The following GIPC3 variants were observed in gnomAD, a reference collection of about 807,000 sequenced individuals.
The protein encoded by GIPC3 is PDZ domain-containing protein GIPC3.
A neutral mutation model predicts 27.3 loss-of-function variants in GIPC3; 16 were observed. The observed-to-expected ratio is 0.59, with a 90% confidence interval of 0.40 to 0.89. The LOEUF is 0.89. GIPC3 is among the 40% of genes least tolerant of loss of function. The probability of loss-of-function intolerance (pLI) is 0.00; values close to 1 mark genes in which losing one functional copy is unlikely to be tolerated. For synonymous variants in GIPC3, 194 were observed against 184.6 expected, an observed-to-expected ratio of 1.05 and a Z score of -0.41; for missense variants, 440 against 442.1, an observed-to-expected ratio of 1.00 and a Z score of 0.04.
chr19:3,593,325 G>T lies in GIPC3; in HGVS notation c.*3135G>T, dbSNP rs1008816581. The T allele has an allele frequency of 3.5e-5, 43 of 1,232,000 alleles. No homozygotes were observed. In the African/African-American group the frequency reaches 6.5e-4, roughly 19 times the overall value. The allele number at this position is 1,232,000 out of a possible 1,614,324, so 76.3% of individuals were successfully genotyped here. On this transcript the variant is annotated 3_prime_UTR_variant, in exon 6 of 6. Transcript: ENST00000644452. ...CTTAGCCCTGGTTCATGTGGTTCTC[G>T]TCCTCTCCTGTCCCTTCCAGCCTGG...
intron 3 of GIPC3, 47 bp downstream of exon 3, chr19:3,587,041 G>C (rs781535409): frequency 5.1e-6 from 8 of 1,557,992 alleles, no homozygotes; most frequent in Non-Finnish European, 7.0e-6. Context: ...TGCGTTCTAC[G>C]GATGCCTGGG....
At chr19:3,589,383 G>A in intron 3 of GIPC3, 60 bp from the exon 4 acceptor site, 2 of 1,280,434 alleles carry the variant, frequency 1.6e-6, no homozygotes, top group South Asian at 1.2e-5. Flanking sequence ...GCCTCCCAGG[G>A]TTTACAAAGA....
chr19:3,593,240 C>A lies in GIPC3; in HGVS notation c.*3050C>A. On this transcript the variant is annotated 3_prime_UTR_variant, in exon 6 of 6. Transcript: ENST00000644452. ...CCCCAGCTTTGGCGCCAGCCCTTTGCCCCACTCTGGGGGAGCCAGGAGCCC... is the reference window on the plus strand; with the variant it reads ...CCCCAGCTTTGGCGCCAGCCCTTTGACCCACTCTGGGGGAGCCAGGAGCCC... 2 of 1,232,838 alleles carry A rather than the reference C, an allele frequency of 1.6e-6. No individual in the cohort carries two copies. Among genetic ancestry groups the A allele is most frequent in the Non-Finnish European group, 2.0e-6 (2 of 988,508 alleles). 76.4% of individuals were successfully genotyped at this position (1,232,838 alleles called of 1,614,324 possible).
At chr19:3,586,310 G>A (rs964869896) in intron 1 of GIPC3, among the ~76,000 whole-genome samples, 185 bp from the exon 2 acceptor site, 6 of 152,162 alleles carry the variant, frequency 3.9e-5, no homozygotes, top group Non-Finnish European at 8.8e-5. Flanking sequence ...CCCGGGGTAT[G>A]GAGAGGGGTC....
At chr19:3,589,582 A>G in intron 4 of GIPC3, 27 bp downstream of exon 4, 1 of 1,543,898 alleles carries the variant, frequency 6.5e-7, no homozygotes, top group Non-Finnish European at 9.0e-7. Flanking sequence ...GGCTCTCCCC[A>G]GGCTTCTGCA....
rs2032517788 is a variant in GIPC3 at position 3,593,068 on chromosome 19, C to T, written c.*2878C>T. 2 of 1,232,526 alleles carry T rather than the reference C, an allele frequency of 1.6e-6. No individual in the cohort carries two copies. Among genetic ancestry groups the T allele is most frequent in the South Asian group, 4.1e-5 (1 of 24,324 alleles). 76.3% of individuals were successfully genotyped at this position (1,232,526 alleles called of 1,614,324 possible). A position where few individuals can be genotyped will look rare whatever the true frequency, so the allele number is the denominator to read the frequency against. On this transcript the variant is annotated 3_prime_UTR_variant, in exon 6 of 6. Coordinates refer to ENST00000644452, the MANE Select transcript of GIPC3 (RefSeq NM_133261.3). Reference sequence around the variant, plus strand: ...TTACCCCAAGCCTCCTACCTGGCCCCACAGTCACAGGTCTCCTCAACCCCC... The same window carrying T: ...TTACCCCAAGCCTCCTACCTGGCCCTACAGTCACAGGTCTCCTCAACCCCC...
In GIPC3 at chr19:3,590,657, C is replaced by T. The variant is rs901700742; in HGVS notation, c.*467C>T. On this transcript the variant is annotated 3_prime_UTR_variant, in exon 6 of 6. Transcript: ENST00000644452. ...CTAGAACTCAGATGGGCTCTGAGAC[C>T]GAGCCCAGCTCTAGAACTCAGATGG... 2.5e-6 allele frequency: 3 copies of T among 1,195,718 alleles called. No individual in the cohort carries two copies. The highest frequency in any genetic ancestry group is 3.2e-6 in the Non-Finnish European group (3 of 951,482). 74.1% of individuals were successfully genotyped at this position (1,195,718 alleles called of 1,614,324 possible). A position where few individuals can be genotyped will look rare whatever the true frequency, so the allele number is the denominator to read the frequency against.
chr19:3,592,732 C>T lies in GIPC3; in HGVS notation c.*2542C>T, dbSNP rs10410258. On this transcript the variant is annotated 3_prime_UTR_variant, in exon 6 of 6. Transcript: ENST00000644452. ...ACCGGGCTCAGCTCTGAAACCCAGA[C>T]CGGCTCAAGAATTCAGCCCAGCCCT... The T allele has an allele frequency of 0.44, 543,032 of 1,231,140 alleles. 123,494 individuals carry two copies. Among genetic ancestry groups the T allele is most frequent in the Non-Finnish European group, 0.46 (458,280 of 987,594 alleles). The allele number at this position is 1,231,140 out of a possible 1,614,324, so 76.3% of individuals were successfully genotyped here. A position where few individuals can be genotyped will look rare whatever the true frequency, so the allele number is the denominator to read the frequency against.
rs565413911 is a variant in GIPC3, at chr19:3,585,838, A to G, written c.225+16A>G. The G allele has an allele frequency of 6.5e-7, 1 of 1,538,838 alleles. No individual in the cohort carries two copies. The highest frequency in any genetic ancestry group is 1.2e-5 in the South Asian group (1 of 83,842). On this transcript the variant is annotated intron_variant, in intron 1 of 5. Coordinates refer to ENST00000644452, the MANE Select transcript of GIPC3 (RefSeq NM_133261.3). Reference sequence around the variant, plus strand: ...GCCCACCGAGGTAAGGAGCCCGGACACCGGCGCCCAAGACCACCCGCCTGA... The same window carrying G: ...GCCCACCGAGGTAAGGAGCCCGGACGCCGGCGCCCAAGACCACCCGCCTGA...
At position 3,586,949 on chromosome 19, in the gene GIPC3, T is replaced by A. The variant is rs1449320776; in HGVS notation, c.547T>A (p.Ser183Thr). 2 of 1,613,112 alleles carry A rather than the reference T, an allele frequency of 1.2e-6. No individual in the cohort carries two copies. The highest frequency in any genetic ancestry group is 1.7e-6 in the Non-Finnish European group (2 of 1,179,960). ...VAKMLRELPK[S>T]QPFTLRLVQP... ...CAAGATGCTCCGGGAGCTGCCCAAG[T>A]CCCAGCCCTTCACCCTGCGCCTGGT... The change falls in exon 3 of 6, where the codon TCC (serine) becomes ACC (threonine). Residue 183 changes from serine (S) to threonine (T), a missense_variant. Coordinates refer to ENST00000644452, the MANE Select transcript of GIPC3 (RefSeq NM_133261.3).
At chr19:3,589,032 C>T (rs1568278263) in intron 3 of GIPC3, among the ~76,000 whole-genome samples, 1 of 152,076 alleles carries the variant, frequency 6.6e-6, no homozygotes, top group Non-Finnish European at 1.5e-5. Context: ...TGCTCTTAAG[C>T]CCAGGCCAGC....
rs116849418 is a variant in GIPC3 at position 3,587,220 on chromosome 19, T to C, written c.592+226T>C. ...GGGGAGAGACTGGGTAAAGTGGAGT[T>C]GGAGGAGGACGCGTCCAGAACCACT... On this transcript the variant is annotated intron_variant, in intron 3 of 5. Coordinates refer to ENST00000644452, the MANE Select transcript of GIPC3 (RefSeq NM_133261.3). Among the ~76,000 whole-genome samples the C allele has an allele frequency of 8.8e-4, 134 of 152,156 alleles. 1 individual carries two copies. Among genetic ancestry groups the C allele is most frequent in the Non-Finnish European group, 1.4e-3 (96 of 67,986 alleles).
chr19:3,587,695 C>CTTTTTTCTTTTTTTT (rs548820972), intron 3 of GIPC3, among the ~76,000 whole-genome samples: 5 of 131,204 alleles, frequency 3.8e-5, no homozygotes, highest in Admixed American at 7.7e-5. Flanking sequence ...CTTTTCTTTT[C>CTTTTTTCTTTTTTTT]TTTTTTTTTT....
chr19:3,590,319 C>A lies in GIPC3; in HGVS notation c.*129C>A, dbSNP rs2032464091. The stretch of plus-strand genomic sequence containing the variant: ...AACCCAATCCAATTTGGAGCCCCAG[C>A]CCAACTCCAGAACCCAACCCTTCTC... On this transcript the variant is annotated 3_prime_UTR_variant, in exon 6 of 6. Transcript: ENST00000644452. 1.4e-6 allele frequency: 2 copies of A among 1,457,526 alleles called. No individual in the cohort carries two copies. The highest frequency in any genetic ancestry group is 1.8e-6 in the Non-Finnish European group (2 of 1,105,110). The allele number at this position is 1,457,526 out of a possible 1,614,324, so 90.3% of individuals were successfully genotyped here.
At chr19:3,585,914 C>T (rs2032355376) in intron 1 of GIPC3, 92 bp downstream of exon 1, 2 of 1,467,708 alleles carry the variant, frequency 1.4e-6, no homozygotes, top group Non-Finnish European at 1.8e-6. Context: ...CCCAGATCCC[C>T]GGATCCCAGA....
In GIPC3 at chr19:3,591,559, C is replaced by A; in HGVS notation, c.*1369C>A. 1 of 1,232,668 alleles carries A rather than the reference C, an allele frequency of 8.1e-7. No homozygotes were observed. The highest frequency in any genetic ancestry group is 1.0e-6 in the Non-Finnish European group (1 of 988,652). The allele number at this position is 1,232,668 out of a possible 1,614,324, so 76.4% of individuals were successfully genotyped here. A position where few individuals can be genotyped will look rare whatever the true frequency, so the allele number is the denominator to read the frequency against. On this transcript the variant is annotated 3_prime_UTR_variant, in exon 6 of 6. Coordinates refer to ENST00000644452, the MANE Select transcript of GIPC3 (RefSeq NM_133261.3). The stretch of plus-strand genomic sequence containing the variant: ...ATGAAGCAGCCCAGCTCTGGAACCC[C>A]AGTCAGCTCAGGATTCAGAGACAGC...
intron 3 of GIPC3, 116 bp downstream of exon 3, chr19:3,587,110 C>A: frequency 1.1e-6 from 1 of 886,342 alleles, no homozygotes; most frequent in Non-Finnish European, 1.7e-6. Context: ...CGCTGCGTGC[C>A]AAGGAGCTCC....
At chr19:3,587,938 C>T (rs1028162787) in intron 3 of GIPC3, among the ~76,000 whole-genome samples, 7 of 152,068 alleles carry the variant, frequency 4.6e-5, no homozygotes, top group Non-Finnish European at 8.8e-5. Flanking sequence ...ATCCGCCCAC[C>T]TCGGCCTCCC....
chr19:3,591,250 C>G lies in GIPC3; in HGVS notation c.*1060C>G. The G allele has an allele frequency of 8.1e-7, 1 of 1,232,914 alleles. No individual in the cohort carries two copies. The highest frequency in any genetic ancestry group is 1.5e-5 in the African/African-American group (1 of 64,562). 76.4% of individuals were successfully genotyped at this position (1,232,914 alleles called of 1,614,324 possible). On this transcript the variant is annotated 3_prime_UTR_variant, in exon 6 of 6. Coordinates refer to ENST00000644452, the MANE Select transcript of GIPC3 (RefSeq NM_133261.3). ...TCTAGAACCCAGATAAGATCTGAGA[C>G]CAAGCCCTGCTCTGAAGCCCAGGCC...
Sources: allele counts gnomAD v4.1 joint callset (sites outside exome capture counted in the v4.1 genomes callset), GRCh38; gene constraint gnomAD v4.1.1; transcripts MANE v1.5; gene names NCBI Gene and HGNC (gene_info 2026-07-23, HGNC 2026-07-21).